GRIN2B: variants seen among roughly 807,000 people sequenced by gnomAD.
GRIN2B encodes the protein glutamate receptor ionotropic, NMDA 2B.
GRIN2B carries 5 observed loss-of-function variants against 114.5 expected under a neutral mutation model. The ratio of observed to expected loss-of-function variants is 0.04; its 90% CI spans 0.02 to 0.09. The LOEUF (loss-of-function observed/expected upper bound fraction) is 0.09, where lower values mean the gene tolerates loss of function less well. Ranked by LOEUF, GRIN2B falls within the 10% of genes least tolerant of loss-of-function variation. The probability of loss-of-function intolerance (pLI) is 1.00; values close to 1 mark genes in which losing one functional copy is unlikely to be tolerated. For missense variants in GRIN2B, 1,108 were observed against 1,943.5 expected, an observed-to-expected ratio of 0.57 and a Z score of 8.08; for synonymous variants, 787 against 745.1, an observed-to-expected ratio of 1.06 and a Z score of -0.92.
chr12:13,970,353 G>A (rs1257452554), intron 2 of GRIN2B, among the ~76,000 whole-genome samples: 1 of 152,144 alleles, frequency 6.6e-6, no homozygotes, highest in East Asian at 1.9e-4. Context: ...CCTAAAGCTG[G>A]CACTAAAGAT....
intron 3 of GRIN2B, among the ~76,000 whole-genome samples, chr12:13,765,083 C>T (rs1863755721): frequency 6.6e-6 from 1 of 152,200 alleles, no homozygotes; most frequent in South Asian, 2.1e-4. Flanking sequence ...TCCATGCTAA[C>T]AAAACAAAAT....
intron 3 of GRIN2B, among the ~76,000 whole-genome samples, chr12:13,808,344 CT>C (rs1412932436): frequency 6.6e-6 from 1 of 152,216 alleles, no homozygotes; most frequent in East Asian, 1.9e-4. Context: ...TAGAAGGGCT[CT>C]AATGGCCCAA....
intron 5 of GRIN2B, among the ~76,000 whole-genome samples, chr12:13,641,848 G>A (rs564897018): frequency 6.6e-6 from 1 of 152,250 alleles, no homozygotes; most frequent in Admixed American, 6.5e-5. Flanking sequence ...ATTCAAGGCT[G>A]TATTTCTATA....
At chr12:13,712,233 G>GT (rs1362184986) in intron 4 of GRIN2B, among the ~76,000 whole-genome samples, 1 of 150,164 alleles carries the variant, frequency 6.7e-6, no homozygotes, top group Non-Finnish European at 1.5e-5. Flanking sequence ...CTGTTGTAGG[G>GT]TGGGGGGAAG....
intron 2 of GRIN2B, among the ~76,000 whole-genome samples, chr12:13,957,529 C>T (rs1867613984): frequency 6.6e-6 from 1 of 152,060 alleles, no homozygotes. Flanking sequence ...ATATTAGAGC[C>T]CCCTCCACCC....
chr12:13,571,967 G>A lies in GRIN2B; in HGVS notation c.2011-3C>T. ...GAGAAGTCATTAGGTCTCTGGAACT[G>A]GAGAGAGAAAGACAGATAGAGACAG... On this transcript the variant is annotated splice_region_variant and splice_polypyrimidine_tract_variant and intron_variant, in intron 10 of 13. Transcript: ENST00000609686. The A allele has an allele frequency of 1.9e-6, 3 of 1,612,114 alleles. No homozygotes were observed. Among genetic ancestry groups the A allele is most frequent in the Non-Finnish European group, 2.5e-6 (3 of 1,178,580 alleles).
chr12:13,570,837 C>A (rs939472075), intron 11 of GRIN2B, among the ~76,000 whole-genome samples: 1 of 152,156 alleles, frequency 6.6e-6, no homozygotes, highest in African/African-American at 2.4e-5. Context: ...GAAAGAAAAG[C>A]AACACCATTA....
chr12:13,686,172 G>A (rs556658212), intron 4 of GRIN2B, among the ~76,000 whole-genome samples: 1 of 152,170 alleles, frequency 6.6e-6, no homozygotes, highest in African/African-American at 2.4e-5. Flanking sequence ...TCTAGACCAG[G>A]TTAGAATAAA....
intron 5 of GRIN2B, among the ~76,000 whole-genome samples, chr12:13,624,085 A>C (rs1949545632): frequency 6.6e-6 from 1 of 152,090 alleles, no homozygotes; most frequent in Non-Finnish European, 1.5e-5. Flanking sequence ...CCAGAGAAAG[A>C]GCTTTCTTAT....
chr12:13,631,412 T>A (rs1949614848), intron 5 of GRIN2B, among the ~76,000 whole-genome samples: 1 of 152,132 alleles, frequency 6.6e-6, no homozygotes, highest in Non-Finnish European at 1.5e-5. Context: ...AATACCCTCA[T>A]ATAGGTTTGA....
chr12:13,825,496 T>TTTTTTTG lies in GRIN2B; in HGVS notation c.411+40301_411+40302insCAAAAAA, dbSNP rs375940899. 9.5e-3 allele frequency among the ~76,000 whole-genome samples: 1,170 copies of TTTTTTTG among 122,966 alleles called. 29 individuals carry two copies. The highest frequency in any genetic ancestry group is 0.021 in the South Asian group (79 of 3,782). 80.7% of individuals were successfully genotyped at this position (122,966 alleles called of 152,430 possible). ...TATATATAATAAATATATATATATTTTGTGTGTGTGTGTGTGTGTGTGTGT... is the reference window on the plus strand; with the variant it reads ...TATATATAATAAATATATATATATTTTTTTTTGTGTGTGTGTGTGTGTGTGTGTGTGT... On this transcript the variant is annotated intron_variant, in intron 3 of 13. Transcript: ENST00000609686.
rs1197759148 is a variant in GRIN2B at position 13,550,013 on chromosome 12, G to C, written c.*12770C>G. ...CATTACTCGCTGAGCTAGACTGAGA[G>C]TTAGAAATTTGGACAAGTTTTGGTT... On this transcript the variant is annotated 3_prime_UTR_variant, in exon 14 of 14. Transcript: ENST00000609686. 1 of 152,166 alleles carries C rather than the reference G, an allele frequency of 6.6e-6. No homozygotes were observed. Among genetic ancestry groups the C allele is most frequent in the African/African-American group, 2.4e-5 (1 of 41,446 alleles). The allele number at this position is 152,166 out of a possible 1,614,324, so 9.4% of individuals were successfully genotyped here. A position where few individuals can be genotyped will look rare whatever the true frequency, so the allele number is the denominator to read the frequency against.
intron 4 of GRIN2B, among the ~76,000 whole-genome samples, chr12:13,719,247 C>G (rs1290354344): frequency 6.6e-6 from 1 of 152,078 alleles, no homozygotes; most frequent in African/African-American, 2.4e-5. Context: ...TCAGTCCCCT[C>G]TATAAATATA....
intron 3 of GRIN2B, among the ~76,000 whole-genome samples, chr12:13,775,147 T>C (rs1863980980): frequency 6.6e-6 from 1 of 152,166 alleles, no homozygotes; most frequent in African/African-American, 2.4e-5. Flanking sequence ...CTTCGGCAGA[T>C]ATCTATCAAG....
chr12:13,681,911 A>T (rs1275687693), intron 4 of GRIN2B, among the ~76,000 whole-genome samples: 1 of 152,162 alleles, frequency 6.6e-6, no homozygotes, highest in Non-Finnish European at 1.5e-5. Context: ...CTTTTGAAAG[A>T]CTAGAGTTTC....
intron 5 of GRIN2B, among the ~76,000 whole-genome samples, chr12:13,629,455 T>C (rs1469142566): frequency 6.6e-6 from 1 of 152,198 alleles, no homozygotes; most frequent in Admixed American, 6.6e-5. Context: ...CCTCCATTCA[T>C]GCTCCACTTG....
intron 2 of GRIN2B, among the ~76,000 whole-genome samples, chr12:13,954,818 A>AAAAAAAAC (rs1379923248): frequency 6.8e-6 from 1 of 146,828 alleles, no homozygotes; most frequent in African/African-American, 2.5e-5. Context: ...CAGGAAAAAA[A>AAAAAAAAC]AAAAAAAAAA....
At chr12:13,965,450 A>C (rs1462418213) in intron 2 of GRIN2B, among the ~76,000 whole-genome samples, 2 of 152,132 alleles carry the variant, frequency 1.3e-5, no homozygotes, top group Non-Finnish European at 2.9e-5. Context: ...TCTGTCATGA[A>C]GACCTGGGGT....
intron 4 of GRIN2B, among the ~76,000 whole-genome samples, chr12:13,711,566 A>G (rs1161562412): frequency 1.3e-5 from 2 of 152,188 alleles, no homozygotes; most frequent in African/African-American, 2.4e-5. Context: ...AAAGTGGGCA[A>G]AGGATATGAA....
Sources: allele counts gnomAD v4.1 joint callset (sites outside exome capture counted in the v4.1 genomes callset), GRCh38; gene constraint gnomAD v4.1.1; transcripts MANE v1.5; gene names NCBI Gene and HGNC (gene_info 2026-07-23, HGNC 2026-07-21).